The following TNFSF4 variants were observed in gnomAD, a reference collection of about 807,000 sequenced individuals.
TNFSF4 encodes tumor necrosis factor ligand superfamily member 4.
A neutral mutation model predicts 7.3 loss-of-function variants in TNFSF4; 4 were observed. The ratio of observed to expected loss-of-function variants is 0.55; its 90% CI spans 0.27 to 1.25. The LOEUF (loss-of-function observed/expected upper bound fraction) is 1.25, where lower values mean the gene tolerates loss of function less well. Ranked by LOEUF, TNFSF4 falls within the 50% of genes most tolerant of loss-of-function variation. The probability of loss-of-function intolerance (pLI) is 0.12; values close to 1 mark genes in which losing one functional copy is unlikely to be tolerated. For missense variants in TNFSF4, 181 were observed against 208.8 expected, an observed-to-expected ratio of 0.87 and a Z score of 0.82; for synonymous variants, 76 against 83.7, an observed-to-expected ratio of 0.91 and a Z score of 0.50.
the TNFSF4 span, among the ~76,000 whole-genome samples, chr1:173,267,445 C>T: frequency 6.6e-6 from 1 of 152,148 alleles, no homozygotes; most frequent in Non-Finnish European, 1.5e-5. Context: ...GTAGGTCTAT[C>T]CAATCATAAA....
the TNFSF4 span, among the ~76,000 whole-genome samples, chr1:173,312,754 A>G: frequency 2.0e-5 from 3 of 152,190 alleles, no homozygotes; most frequent in African/African-American, 7.2e-5. Flanking sequence ...GTGGGGGCTT[A>G]TCTAAAATGG....
the TNFSF4 span, among the ~76,000 whole-genome samples, chr1:173,359,888 G>A: frequency 1.3e-5 from 2 of 152,220 alleles, no homozygotes; most frequent in African/African-American, 2.4e-5. Context: ...GATGTTCCAG[G>A]TCCTGCCTGG....
chr1:173,385,277 G>A, the TNFSF4 span, among the ~76,000 whole-genome samples: 19 of 152,064 alleles, frequency 1.2e-4, no homozygotes, highest in Non-Finnish European at 2.1e-4. Flanking sequence ...TCCAAACACC[G>A]GTGAATTGTT....
chr1:173,216,582 G>A, the TNFSF4 span, among the ~76,000 whole-genome samples: 5 of 152,128 alleles, frequency 3.3e-5, no homozygotes, highest in Admixed American at 3.3e-4. Flanking sequence ...ACTGAGGGTG[G>A]ATGGAGAGAA....
At chr1:173,217,395 G>C in the TNFSF4 span, among the ~76,000 whole-genome samples, 2 of 152,134 alleles carry the variant, frequency 1.3e-5, no homozygotes, top group South Asian at 4.1e-4. Context: ...CTGTATGCAA[G>C]TAAAAGCATT....
At chr1:173,317,446 G>A in the TNFSF4 span, among the ~76,000 whole-genome samples, 1 of 152,228 alleles carries the variant, frequency 6.6e-6, no homozygotes, top group Non-Finnish European at 1.5e-5. Flanking sequence ...ACAACGGAGA[G>A]TCAAAGGTGT....
In TNFSF4 at chr1:173,185,362, C is replaced by G. The variant is rs1399705306; in HGVS notation, c.*1154G>C. The G allele has an allele frequency of 6.6e-6, 1 of 152,156 alleles. No individual in the cohort carries two copies. Among genetic ancestry groups the G allele is most frequent in the African/African-American group, 2.4e-5 (1 of 41,444 alleles). 9.4% of individuals were successfully genotyped at this position (152,156 alleles called of 1,614,324 possible). A position where few individuals can be genotyped will look rare whatever the true frequency, so the allele number is the denominator to read the frequency against. On this transcript the variant is annotated 3_prime_UTR_variant, in exon 3 of 3. Transcript: ENST00000281834. ...CAACTAAACATAAGGGGATACTATT[C>G]CATTGAAGCCCTGGCATAGGCTGAT...
chr1:173,192,279 G>T (rs1008662312), intron 1 of TNFSF4, among the ~76,000 whole-genome samples: 1 of 152,196 alleles, frequency 6.6e-6, no homozygotes, highest in Non-Finnish European at 1.5e-5. Context: ...GTTTATAGCA[G>T]CTTTGTTCAT....
the TNFSF4 span, among the ~76,000 whole-genome samples, chr1:173,428,492 A>G: frequency 6.6e-6 from 1 of 152,242 alleles, no homozygotes; most frequent in South Asian, 2.1e-4. Flanking sequence ...TTAAGAGAAA[A>G]AGGAACCAAC....
the TNFSF4 span, among the ~76,000 whole-genome samples, chr1:173,277,707 CACTT>C: frequency 6.6e-6 from 1 of 152,092 alleles, no homozygotes; most frequent in African/African-American, 2.4e-5. Flanking sequence ...TAATAATGGA[CACTT>C]ACAATGTATC....
chr1:173,248,190 T>C, the TNFSF4 span, among the ~76,000 whole-genome samples: 1 of 151,788 alleles, frequency 6.6e-6, no homozygotes, highest in Non-Finnish European at 1.5e-5. Flanking sequence ...CCCGTCTCTA[T>C]GAAAAATGCA....
At chr1:173,285,794 T>TA in the TNFSF4 span, among the ~76,000 whole-genome samples, 1 of 152,184 alleles carries the variant, frequency 6.6e-6, no homozygotes, top group Non-Finnish European at 1.5e-5. Flanking sequence ...TAGGCTACAG[T>TA]ATAGTATACA....
the TNFSF4 span, among the ~76,000 whole-genome samples, chr1:173,279,953 C>G: frequency 6.6e-6 from 1 of 152,018 alleles, no homozygotes; most frequent in African/African-American, 2.4e-5. Context: ...GTCTGTGAGG[C>G]CTTTTATAAA....
the TNFSF4 span, among the ~76,000 whole-genome samples, chr1:173,431,791 G>C: frequency 2.6e-5 from 4 of 152,146 alleles, no homozygotes; most frequent in Non-Finnish European, 5.9e-5. Context: ...GTTGGATTTC[G>C]ATCTTGGCCA....
At chr1:173,403,820 TG>T in the TNFSF4 span, among the ~76,000 whole-genome samples, 1 of 151,796 alleles carries the variant, frequency 6.6e-6, no homozygotes, top group Admixed American at 6.6e-5. Flanking sequence ...GAGAATCACT[TG>T]AACCCGGGAG....
At chr1:173,299,204 C>T in the TNFSF4 span, among the ~76,000 whole-genome samples, 1 of 151,914 alleles carries the variant, frequency 6.6e-6, no homozygotes, top group Non-Finnish European at 1.5e-5. Flanking sequence ...AATTGAAGCA[C>T]ACTCCTTTTC....
intron 1 of TNFSF4, among the ~76,000 whole-genome samples, chr1:173,202,405 A>G (rs928867852): frequency 9.2e-5 from 14 of 152,226 alleles, no homozygotes; most frequent in South Asian, 2.1e-4. Flanking sequence ...CTCTGCAAAT[A>G]GTGAATAATA....
At chr1:173,389,505 A>T in the TNFSF4 span, among the ~76,000 whole-genome samples, 1 of 152,084 alleles carries the variant, frequency 6.6e-6, no homozygotes, top group African/African-American at 2.4e-5. Context: ...TCTATATATG[A>T]GAGTTGCAGT....
At chr1:173,264,135 T>C in the TNFSF4 span, among the ~76,000 whole-genome samples, 1 of 152,044 alleles carries the variant, frequency 6.6e-6, no homozygotes, top group East Asian at 1.9e-4. Context: ...TAAAATAAAA[T>C]TTTTAAAAAA....
Sources: gnomAD v4.1 joint callset for allele counts (sites outside exome capture counted in the v4.1 genomes callset) on GRCh38, gnomAD v4.1.1 for gene constraint, MANE v1.5 for transcripts, NCBI Gene and HGNC (gene_info 2026-07-23, HGNC 2026-07-21) for gene names.